Variants in CACNA2D3 observed in about 807,000 individuals in gnomAD.
The protein encoded by CACNA2D3 is voltage-dependent calcium channel subunit alpha-2/delta-3.
CACNA2D3 carries 60 observed loss-of-function variants against 160.6 expected under a neutral mutation model. The observed-to-expected ratio is 0.37, with a 90% confidence interval of 0.30 to 0.46. The LOEUF is 0.46. CACNA2D3 is among the 20% of genes least tolerant of loss of function. The pLI is 1.00. For missense variants in CACNA2D3, 1,205 were observed against 1,365.0 expected (o/e 0.88, Z 1.85); for synonymous variants, 558 against 492.9 (o/e 1.13, Z -1.75).
intron 2 of CACNA2D3, among the ~76,000 whole-genome samples, chr3:54,205,581 G>C (rs976669460): frequency 6.6e-6 from 1 of 152,184 alleles, no homozygotes; most frequent in African/African-American, 2.4e-5. Context: ...GTAGGGCATT[G>C]TTGTGAGAGC....
At chr3:54,730,765 A>G (rs1701369340) in intron 11 of CACNA2D3, among the ~76,000 whole-genome samples, 1 of 152,202 alleles carries the variant, frequency 6.6e-6, no homozygotes. Context: ...GGCCTCCCCA[A>G]GTGCTGGGAT....
intron 11 of CACNA2D3, among the ~76,000 whole-genome samples, chr3:54,670,886 C>A (rs1225876270): frequency 2.0e-5 from 3 of 152,116 alleles, no homozygotes; most frequent in African/African-American, 7.2e-5. Context: ...GGAATCTGCC[C>A]ATCAACCCCA....
intron 32 of CACNA2D3, among the ~76,000 whole-genome samples, chr3:55,006,111 C>T (rs1049164156): frequency 6.6e-6 from 1 of 152,158 alleles, no homozygotes; most frequent in Non-Finnish European, 1.5e-5. Flanking sequence ...AACCCAACTC[C>T]CCTAACCTTA....
Position 55,052,447 on chromosome 3 carries a change from C to T in CACNA2D3, c.2988-20998C>T, listed in dbSNP as rs576335828. Among the ~76,000 whole-genome samples, 11 of 125,428 alleles carry T rather than the reference C, an allele frequency of 8.8e-5. 1 individual carries two copies. The highest frequency in any genetic ancestry group is 6.9e-5 in the Non-Finnish European group (4 of 58,130). The allele number at this position is 125,428 out of a possible 152,430, so 82.3% of individuals were successfully genotyped here. ...ATATATACACATATATATGTATATA[C>T]CTGTGTGTGTATATATATATATATA... On this transcript the variant is annotated intron_variant, in intron 35 of 37. Transcript: ENST00000474759.
intron 11 of CACNA2D3, among the ~76,000 whole-genome samples, chr3:54,733,447 C>G (rs1437666310): frequency 6.6e-6 from 1 of 152,158 alleles, no homozygotes; most frequent in African/African-American, 2.4e-5. Flanking sequence ...GCAATTTGCC[C>G]TATCCCAAAG....
chr3:54,315,723 G>A (rs1703844831), intron 2 of CACNA2D3, among the ~76,000 whole-genome samples: 1 of 151,754 alleles, frequency 6.6e-6, no homozygotes, highest in Non-Finnish European at 1.5e-5. Flanking sequence ...AAAGCTTCTG[G>A]CACCATCCTG....
chr3:54,765,288 C>T lies in CACNA2D3; in HGVS notation c.1380+937C>T, dbSNP rs73074136. On this transcript the variant is annotated intron_variant, in intron 13 of 37. Transcript: ENST00000474759. ...GGACACCATGACACAGGCCAGGCCA[C>T]AGCAGCCTGCCCCATCTCAGCCTTA... Among the ~76,000 whole-genome samples, 1,039 of 152,266 alleles carry T rather than the reference C, an allele frequency of 6.8e-3. 7 individuals are homozygous for T. Among genetic ancestry groups the T allele is most frequent in the Non-Finnish European group, 0.011 (772 of 68,024 alleles).
intron 6 of CACNA2D3, among the ~76,000 whole-genome samples, chr3:54,566,283 G>A (rs776660097): frequency 6.6e-6 from 1 of 152,178 alleles, no homozygotes. Context: ...TGGACACTGG[G>A]CATGCCCATC....
At chr3:54,144,372 T>C (rs1699987809) in intron 2 of CACNA2D3, among the ~76,000 whole-genome samples, 1 of 152,244 alleles carries the variant, frequency 6.6e-6, no homozygotes, top group African/African-American at 2.4e-5. Flanking sequence ...ATTTGATTAC[T>C]GATTATGCCC....
At chr3:54,637,044 C>T (rs573443487) in intron 10 of CACNA2D3, among the ~76,000 whole-genome samples, 18 of 151,938 alleles carry the variant, frequency 1.2e-4, no homozygotes, top group Admixed American at 8.5e-4. Flanking sequence ...TTTGGCACCA[C>T]GGGGTGGATA....
At chr3:54,689,064 A>C (rs1700522300) in intron 11 of CACNA2D3, among the ~76,000 whole-genome samples, 1 of 150,380 alleles carries the variant, frequency 6.6e-6, no homozygotes, top group South Asian at 2.1e-4. Flanking sequence ...ACAGAGAAAG[A>C]GTTCAAAAGC....
intron 11 of CACNA2D3, among the ~76,000 whole-genome samples, chr3:54,744,494 A>G (rs973948208): frequency 1.3e-5 from 2 of 152,160 alleles, no homozygotes; most frequent in Admixed American, 6.5e-5. Flanking sequence ...AGCCACTGCC[A>G]AGTTCTCAGT....
Position 54,987,406 on chromosome 3 carries a change from G to A in CACNA2D3, c.2620-277G>A, listed in dbSNP as rs145412579. 2.7e-3 allele frequency among the ~76,000 whole-genome samples: 405 copies of A among 152,342 alleles called. 1 individual carries two copies. The Middle Eastern group carries it at 0.031, about 12-fold the overall frequency. On this transcript the variant is annotated intron_variant, in intron 30 of 37. Coordinates refer to ENST00000474759, the MANE Select transcript of CACNA2D3 (RefSeq NM_018398.3). ...TCCATCCAAGGGTAGTGGGGTATGTGTGTGTGCACATGTGTGTGCATGCGT... is the reference window on the plus strand; with the variant it reads ...TCCATCCAAGGGTAGTGGGGTATGTATGTGTGCACATGTGTGTGCATGCGT...
intron 14 of CACNA2D3, among the ~76,000 whole-genome samples, chr3:54,835,928 G>A (rs1449233275): frequency 6.6e-6 from 1 of 152,172 alleles, no homozygotes; most frequent in Non-Finnish European, 1.5e-5. Flanking sequence ...TGTCTTCATG[G>A]CAACAGTGCT....
chr3:54,551,508 G>A lies in CACNA2D3; in HGVS notation c.545-11292G>A, dbSNP rs769500912. On this transcript the variant is annotated intron_variant, in intron 5 of 37. Transcript: ENST00000474759. ...GTTAACGTAAAGGGAACAATCAGAC[G>A]ATGTAAAAGAGAAAGCCTCAGTGAG... Among the ~76,000 whole-genome samples, 11 of 152,136 alleles carry A rather than the reference G, an allele frequency of 7.2e-5. 1 individual carries two copies. Among genetic ancestry groups the A allele is most frequent in the Admixed American group, 7.2e-4 (11 of 15,264 alleles).
At chr3:54,672,486 T>C (rs1700178633) in intron 11 of CACNA2D3, among the ~76,000 whole-genome samples, 1 of 152,198 alleles carries the variant, frequency 6.6e-6, no homozygotes. Flanking sequence ...TCCACACTTC[T>C]CTGAAGTGTG....
intron 3 of CACNA2D3, among the ~76,000 whole-genome samples, chr3:54,381,000 G>T (rs1225013670): frequency 6.6e-6 from 1 of 152,070 alleles, no homozygotes; most frequent in Non-Finnish European, 1.5e-5. Context: ...CCCCATTTGA[G>T]CTTAAACCTT....
chr3:55,011,776 T>C (rs914916915), intron 34 of CACNA2D3, among the ~76,000 whole-genome samples: 3 of 152,166 alleles, frequency 2.0e-5, no homozygotes, highest in Non-Finnish European at 4.4e-5. Flanking sequence ...AAATCTTACC[T>C]GTAGTGTCAA....
chr3:55,069,151 G>C (rs918288764), intron 35 of CACNA2D3, among the ~76,000 whole-genome samples: 1 of 152,038 alleles, frequency 6.6e-6, no homozygotes, highest in South Asian at 2.1e-4. Flanking sequence ...ATTGTCTCAC[G>C]AGTTTCGATG....
Sources: gnomAD v4.1 joint callset for allele counts (sites outside exome capture counted in the v4.1 genomes callset) on GRCh38, gnomAD v4.1.1 for gene constraint, MANE v1.5 for transcripts, NCBI Gene and HGNC (gene_info 2026-07-23, HGNC 2026-07-21) for gene names.